The following CADPS2 variants were observed in gnomAD, a reference collection of about 807,000 sequenced individuals.
CADPS2 encodes the protein calcium-dependent secretion activator 2.
CADPS2 carries 93 observed loss-of-function variants against 172.5 expected under a neutral mutation model. The ratio of observed to expected loss-of-function variants is 0.54; its 90% CI spans 0.46 to 0.64. The LOEUF (loss-of-function observed/expected upper bound fraction) is 0.64. CADPS2 is among the 30% of genes least tolerant of loss of function. The pLI is 0.00. For synonymous variants in CADPS2, 546 were observed against 555.2 expected (o/e 0.98, Z 0.23); for missense variants, 1,420 against 1,565.9 (o/e 0.91, Z 1.57).
intron 1 of CADPS2, among the ~76,000 whole-genome samples, chr7:122,767,316 G>A (rs966822799): frequency 2.6e-5 from 4 of 152,102 alleles, no homozygotes; most frequent in Non-Finnish European, 4.4e-5. Context: ...TATTAAAGGT[G>A]AGAACACATT....
At chr7:122,540,319 T>C (rs1049838943) in intron 8 of CADPS2, among the ~76,000 whole-genome samples, 4 of 152,132 alleles carry the variant, frequency 2.6e-5, no homozygotes, top group African/African-American at 4.8e-5. Context: ...TATAGTAATT[T>C]AAAAGGAATA....
intron 1 of CADPS2, among the ~76,000 whole-genome samples, chr7:122,803,039 A>G (rs1327712436): frequency 6.6e-5 from 10 of 152,226 alleles, no homozygotes; most frequent in Non-Finnish European, 4.4e-5. Flanking sequence ...TAAAGGAAGA[A>G]AAACTCAATA....
At chr7:122,540,447 T>C (rs754182543) in intron 8 of CADPS2, among the ~76,000 whole-genome samples, 2 of 152,132 alleles carry the variant, frequency 1.3e-5, no homozygotes, top group African/African-American at 2.4e-5. Flanking sequence ...TTCTTAACCA[T>C]AGATCATTTT....
At chr7:122,658,732 T>G (rs2080134816) in intron 3 of CADPS2, among the ~76,000 whole-genome samples, 1 of 152,116 alleles carries the variant, frequency 6.6e-6, no homozygotes, top group Admixed American at 6.6e-5. Context: ...CTGGGCCCTT[T>G]GTGGTGTGGA....
At chr7:122,879,521 C>T (rs1822292044) in intron 1 of CADPS2, among the ~76,000 whole-genome samples, 1 of 151,374 alleles carries the variant, frequency 6.6e-6, no homozygotes, top group Admixed American at 6.6e-5. Flanking sequence ...GGCAACAGAG[C>T]AAGACTCCAT....
intron 2 of CADPS2, among the ~76,000 whole-genome samples, chr7:122,720,699 A>G (rs2090288112): frequency 6.6e-6 from 1 of 151,900 alleles, no homozygotes; most frequent in Non-Finnish European, 1.5e-5. Context: ...TACCCCTAAA[A>G]AGGATATACC....
intron 1 of CADPS2, among the ~76,000 whole-genome samples, chr7:122,786,450 GA>G (rs1794063065): frequency 6.6e-6 from 1 of 152,170 alleles, no homozygotes; most frequent in Non-Finnish European, 1.5e-5. Flanking sequence ...TCAGCTGGAG[GA>G]GGGTGAATAG....
intron 2 of CADPS2, among the ~76,000 whole-genome samples, chr7:122,669,581 AG>A (rs1027624636): frequency 2.6e-5 from 4 of 151,848 alleles, no homozygotes; most frequent in African/African-American, 7.3e-5. Flanking sequence ...AGGGAGGAAG[AG>A]TAACGATCTG....
intron 19 of CADPS2, among the ~76,000 whole-genome samples, chr7:122,408,233 C>T (rs1323871471): frequency 4.7e-5 from 7 of 149,546 alleles, no homozygotes; most frequent in African/African-American, 7.4e-5. Flanking sequence ...CAATTTTTTG[C>T]TATTCTCAAT....
intron 4 of CADPS2, among the ~76,000 whole-genome samples, chr7:122,626,820 G>A (rs150661614): frequency 4.6e-5 from 7 of 152,266 alleles, no homozygotes; most frequent in Admixed American, 1.3e-4. Context: ...GTTAAGTAAC[G>A]TGCCTACTAT....
intron 23 of CADPS2, 147 bp downstream of exon 23, chr7:122,388,436 A>C (rs1168164624): frequency 1.2e-6 from 1 of 828,334 alleles, no homozygotes; most frequent in Non-Finnish European, 1.7e-6. Flanking sequence ...CCCAGAATTT[A>C]ATCAAGATAA....
intron 1 of CADPS2, among the ~76,000 whole-genome samples, chr7:122,848,567 A>G (rs1198809431): frequency 2.0e-5 from 3 of 152,224 alleles, no homozygotes; most frequent in Non-Finnish European, 4.4e-5. Context: ...TTATAAAGCT[A>G]AAAAGGATCA....
intron 9 of CADPS2, among the ~76,000 whole-genome samples, chr7:122,495,357 T>C (rs1299256403): frequency 6.6e-6 from 1 of 152,174 alleles, no homozygotes; most frequent in Non-Finnish European, 1.5e-5. Flanking sequence ...TTATATTATT[T>C]CCATGACGTT....
chr7:122,820,469 T>C (rs1262062005), intron 1 of CADPS2, among the ~76,000 whole-genome samples: 4 of 151,104 alleles, frequency 2.6e-5, no homozygotes, highest in Non-Finnish European at 5.9e-5. Flanking sequence ...GCATGGTTAG[T>C]GTGGTCAGAA....
chr7:122,542,504 A>C (rs2063204384), intron 8 of CADPS2, among the ~76,000 whole-genome samples: 1 of 152,152 alleles, frequency 6.6e-6, no homozygotes, highest in African/African-American at 2.4e-5. Context: ...TTTAAGATCA[A>C]GGGAAAGGCT....
chr7:122,621,543 T>C lies in CADPS2; in HGVS notation c.1042A>G (p.Ile348Val). The C allele has an allele frequency of 6.2e-7, 1 of 1,613,882 alleles. No individual in the cohort carries two copies. The highest frequency in any genetic ancestry group is 2.2e-5 in the East Asian group (1 of 44,858). Residue 348 changes from isoleucine (I) to valine (V), a missense_variant, in exon 5 of 30, where the codon ATA (isoleucine) becomes GTA (valine). Ile to Val is a conservative substitution (Grantham distance 29). Coordinates refer to ENST00000449022, the MANE Select transcript of CADPS2 (RefSeq NM_017954.11). The part of the protein sequence containing the change: ...KRSQNSAFLD[I>V]GDENEIQLSK... ...AGCTGAATCTCATTCTCATCTCCTA[T>C]GTCCAAAAATGCAGAGTTCTGTGAA...
intron 17 of CADPS2, among the ~76,000 whole-genome samples, chr7:122,419,141 C>T (rs1563290205): frequency 6.6e-6 from 1 of 152,054 alleles, no homozygotes; most frequent in Non-Finnish European, 1.5e-5. Context: ...GGCTTTGGAC[C>T]ATGGCAGGTA....
At chr7:122,581,479 A>G (rs2068806002) in intron 6 of CADPS2, among the ~76,000 whole-genome samples, 189 bp from the exon 7 acceptor site, 1 of 152,178 alleles carries the variant, frequency 6.6e-6, no homozygotes, top group Non-Finnish European at 1.5e-5. Flanking sequence ...AGCTTGTAAT[A>G]GTTACTCAGC....
chr7:122,733,589 G>A (rs1236450143), intron 2 of CADPS2, among the ~76,000 whole-genome samples: 3 of 151,870 alleles, frequency 2.0e-5, no homozygotes, highest in Non-Finnish European at 4.4e-5. Context: ...GAGTCAAGTG[G>A]CCATTTGCTG....
Sources: gnomAD v4.1 joint callset for allele counts (sites outside exome capture counted in the v4.1 genomes callset) on GRCh38, gnomAD v4.1.1 for gene constraint, MANE v1.5 for transcripts, NCBI Gene and HGNC (gene_info 2026-07-23, HGNC 2026-07-21) for gene names.